The following CSMD1 variants were observed in gnomAD, a reference collection of about 807,000 sequenced individuals.
The protein encoded by CSMD1 is CUB and Sushi multiple domains 1.
Under a neutral mutation model 417.5 loss-of-function variants are expected in CSMD1, and 213 were observed. The ratio of observed to expected loss-of-function variants is 0.51; its 90% confidence interval spans 0.46 to 0.57. CSMD1 has a LOEUF of 0.57. Among genes scored for constraint, CSMD1 ranks in the 20% least tolerant of loss-of-function variants. CSMD1 has a pLI of 0.00. For missense variants in CSMD1, 6,923 were observed against 4,529.7 expected (o/e 1.53, Z -15.17); for synonymous variants, 2,862 against 1,736.8 (o/e 1.65, Z -16.11).
chr8:2,993,606 A>T (rs677310), intron 54 of CSMD1, among the ~76,000 whole-genome samples: 1,992 of 152,292 alleles, frequency 0.013, 40 homozygotes, highest in African/African-American at 0.046. Context: ...ATAAAGCTGA[A>T]TTTTCATTAA....
chr8:4,801,132 A>AT (rs1284708898), intron 1 of CSMD1, among the ~76,000 whole-genome samples: 1 of 152,174 alleles, frequency 6.6e-6, no homozygotes, highest in Non-Finnish European at 1.5e-5. Flanking sequence ...GTCATTTTAC[A>AT]TTTTTTGTAT....
intron 1 of CSMD1, among the ~76,000 whole-genome samples, chr8:4,842,271 T>C (rs1800890028): frequency 6.6e-6 from 1 of 152,240 alleles, no homozygotes; most frequent in African/African-American, 2.4e-5. Context: ...AATATGAATC[T>C]TCCAGATGCA....
At chr8:3,409,323 G>A (rs1388333824) in intron 13 of CSMD1, 100 bp downstream of exon 13, 45 of 1,131,216 alleles carry the variant, frequency 4.0e-5, no homozygotes, top group Non-Finnish European at 5.2e-5. Flanking sequence ...CATTCTGAAA[G>A]CTGCCCTCCC....
chr8:3,958,354 C>T (rs1213732891), intron 5 of CSMD1, among the ~76,000 whole-genome samples: 1 of 143,090 alleles, frequency 7.0e-6, no homozygotes, highest in Non-Finnish European at 1.5e-5. Context: ...GCTCTTTGAA[C>T]ATTAACTTTT....
chr8:3,995,905 C>A (rs535919194), intron 5 of CSMD1, among the ~76,000 whole-genome samples: 1 of 152,150 alleles, frequency 6.6e-6, no homozygotes, highest in African/African-American at 2.4e-5. Context: ...GCTTCCCTAG[C>A]AAATACAGAG....
intron 2 of CSMD1, among the ~76,000 whole-genome samples, chr8:4,481,922 A>C (rs568931189): frequency 1.5e-4 from 23 of 152,266 alleles, no homozygotes; most frequent in Admixed American, 5.2e-4. Flanking sequence ...GAGGTGTGGA[A>C]ACAACAGAAT....
intron 1 of CSMD1, among the ~76,000 whole-genome samples, chr8:4,916,417 A>C (rs1563757076): frequency 1.3e-5 from 2 of 152,262 alleles, no homozygotes; most frequent in African/African-American, 2.4e-5. Flanking sequence ...TGCACATATA[A>C]ATATGGCTTT....
At chr8:3,303,489 G>C (rs551191730) in intron 25 of CSMD1, among the ~76,000 whole-genome samples, 2 of 152,062 alleles carry the variant, frequency 1.3e-5, no homozygotes, top group African/African-American at 4.8e-5. Flanking sequence ...TTTGATATGC[G>C]TCCAATGTTT....
chr8:4,975,801 G>C (rs1379939901), intron 1 of CSMD1, among the ~76,000 whole-genome samples: 2 of 152,024 alleles, frequency 1.3e-5, no homozygotes, highest in Non-Finnish European at 1.5e-5. Context: ...GTCATGAATA[G>C]TGTATGCATT....
chr8:3,214,608 T>C lies in CSMD1; in HGVS notation c.4756A>G (p.Ile1586Val), dbSNP rs776030504. 1.7e-5 allele frequency: 26 copies of C among 1,563,584 alleles called. No homozygotes were observed. Among genetic ancestry groups the C allele is most frequent in the Admixed American group, 3.8e-5 (2 of 52,270 alleles). The change falls in exon 30 of 70, where the codon ATC (isoleucine) becomes GTC (valine). Residue 1586 changes from isoleucine (I) to valine (V), a missense_variant. By Grantham distance (29) the Ile-to-Val change is conservative. Coordinates refer to ENST00000635120, the MANE Select transcript of CSMD1 (RefSeq NM_033225.6). ...VGTDFKLGSTITYQCDSGYKI... is the reference protein window; with the variant it reads ...VGTDFKLGSTVTYQCDSGYKI... Reference sequence around the variant, plus strand: ...TAGCCAGAGTCACACTGGTAGGTGATGGTGGAGCCAAGCTTGAAGTCTGTT... The same window carrying C: ...TAGCCAGAGTCACACTGGTAGGTGACGGTGGAGCCAAGCTTGAAGTCTGTT...
intron 51 of CSMD1, among the ~76,000 whole-genome samples, chr8:3,023,362 GATAA>G (rs1809598905): frequency 6.6e-6 from 1 of 152,146 alleles, no homozygotes; most frequent in African/African-American, 2.4e-5. Context: ...GGATTTCTGT[GATAA>G]ATGTTTTTCT....
intron 5 of CSMD1, among the ~76,000 whole-genome samples, chr8:3,933,888 C>T (rs551704799): frequency 3.9e-5 from 6 of 152,132 alleles, no homozygotes; most frequent in Admixed American, 3.9e-4. Flanking sequence ...GCTTTATTTA[C>T]TTTCTCTAGG....
At chr8:4,163,669 T>C (rs548365304) in intron 3 of CSMD1, among the ~76,000 whole-genome samples, 6 of 152,312 alleles carry the variant, frequency 3.9e-5, no homozygotes, top group African/African-American at 1.4e-4. Flanking sequence ...GAAATAATTT[T>C]AAAACAAGAA....
intron 1 of CSMD1, among the ~76,000 whole-genome samples, chr8:4,798,974 C>T (rs563791236): frequency 6.6e-6 from 1 of 152,326 alleles, no homozygotes; most frequent in South Asian, 2.1e-4. Context: ...CATGCTTCTG[C>T]ACGCCCACAT....
intron 1 of CSMD1, among the ~76,000 whole-genome samples, chr8:4,681,354 T>C (rs1238041663): frequency 1.3e-4 from 20 of 152,194 alleles, no homozygotes; most frequent in Admixed American, 9.8e-4. Context: ...ACCACCAATA[T>C]GGTTTGCTAA....
At chr8:4,985,834 G>C (rs747779961) in intron 1 of CSMD1, among the ~76,000 whole-genome samples, 41 of 152,096 alleles carry the variant, frequency 2.7e-4, no homozygotes, top group Non-Finnish European at 5.0e-4. Flanking sequence ...CTCACAGATG[G>C]ATTGGTCTTA....
intron 12 of CSMD1, among the ~76,000 whole-genome samples, chr8:3,415,599 T>C (rs1183527693): frequency 1.3e-5 from 2 of 152,206 alleles, no homozygotes; most frequent in Non-Finnish European, 2.9e-5. Flanking sequence ...CCTCAAGTGA[T>C]CTGCCCTCCT....
At chr8:4,887,598 T>G (rs1408882055) in intron 1 of CSMD1, among the ~76,000 whole-genome samples, 1 of 152,084 alleles carries the variant, frequency 6.6e-6, no homozygotes, top group Non-Finnish European at 1.5e-5. Context: ...AATCTATTTC[T>G]GCTTTTTAAT....
intron 2 of CSMD1, among the ~76,000 whole-genome samples, chr8:4,626,814 C>A (rs1802146239): frequency 6.6e-6 from 1 of 152,138 alleles, no homozygotes; most frequent in Non-Finnish European, 1.5e-5. Context: ...GAATTCTGTT[C>A]TAGTTAATAC....
Sources: allele counts gnomAD v4.1 joint callset (sites outside exome capture counted in the v4.1 genomes callset), GRCh38; gene constraint gnomAD v4.1.1; transcripts MANE v1.5; gene names NCBI Gene and HGNC (gene_info 2026-07-23, HGNC 2026-07-21).